CADM2: variants seen among roughly 807,000 people sequenced by gnomAD.
The protein encoded by CADM2 is immunoglobulin superfamily member 4D.
CADM2 carries 12 observed loss-of-function variants against 49.8 expected under a neutral mutation model. The observed-to-expected ratio is 0.24, with a 90% confidence interval of 0.15 to 0.39. The LOEUF is 0.39. Among genes scored for constraint, CADM2 ranks in the 10% least tolerant of loss-of-function variants. CADM2 has a pLI of 1.00. For missense variants in CADM2, 378 were observed against 492.3 expected, an observed-to-expected ratio of 0.77 and a Z score of 2.20; for synonymous variants, 214 against 175.4, an observed-to-expected ratio of 1.22 and a Z score of -1.74.
intron 1 of CADM2, among the ~76,000 whole-genome samples, chr3:85,677,949 A>C (rs745667809): frequency 3.9e-5 from 6 of 152,238 alleles, no homozygotes; most frequent in Non-Finnish European, 8.8e-5. Context: ...CAGAAAGCAT[A>C]AAATATAAAA....
chr3:85,905,846 G>T (rs188654824), intron 5 of CADM2, among the ~76,000 whole-genome samples: 1 of 152,176 alleles, frequency 6.6e-6, no homozygotes, highest in Admixed American at 6.5e-5. Flanking sequence ...GTAGTACATG[G>T]TACATAGAAA....
chr3:85,226,575 G>A (rs1239110448), intron 1 of CADM2, among the ~76,000 whole-genome samples: 1 of 151,676 alleles, frequency 6.6e-6, no homozygotes, highest in Non-Finnish European at 1.5e-5. Context: ...ACCAGCTCCT[G>A]CGTTCATTGA....
At chr3:85,159,370 A>G (rs1646954543) in intron 1 of CADM2, among the ~76,000 whole-genome samples, 1 of 148,506 alleles carries the variant, frequency 6.7e-6, no homozygotes, top group African/African-American at 2.6e-5. Flanking sequence ...TGGGCTAGGG[A>G]TTTTAAGGGA....
At chr3:85,748,503 G>C (rs953985118) in intron 2 of CADM2, among the ~76,000 whole-genome samples, 1 of 152,002 alleles carries the variant, frequency 6.6e-6, no homozygotes, top group Non-Finnish European at 1.5e-5. Context: ...TCAGCTGAAC[G>C]CTCACTTATC....
chr3:85,322,944 G>C (rs1379431037), intron 1 of CADM2, among the ~76,000 whole-genome samples: 2 of 152,112 alleles, frequency 1.3e-5, no homozygotes, highest in South Asian at 2.1e-4. Flanking sequence ...ACTGAATATT[G>C]GTTCCCAGAA....
At chr3:85,410,674 G>A (rs927519252) in intron 1 of CADM2, among the ~76,000 whole-genome samples, 1 of 152,142 alleles carries the variant, frequency 6.6e-6, no homozygotes, top group Admixed American at 6.6e-5. Flanking sequence ...AATACTTTAA[G>A]CTACAACAAG....
chr3:85,875,238 T>C (rs772862466), intron 3 of CADM2, among the ~76,000 whole-genome samples: 1 of 152,098 alleles, frequency 6.6e-6, no homozygotes, highest in African/African-American at 2.4e-5. Flanking sequence ...GTAATACAAA[T>C]CTTATTTTTT....
chr3:85,833,516 T>G (rs996385262), intron 3 of CADM2, among the ~76,000 whole-genome samples: 6 of 151,782 alleles, frequency 4.0e-5, no homozygotes, highest in African/African-American at 1.5e-4. Context: ...GAACCTGATA[T>G]TGGTTTGTTC....
intron 1 of CADM2, among the ~76,000 whole-genome samples, chr3:85,496,447 T>C: frequency 6.6e-6 from 1 of 152,216 alleles, no homozygotes; most frequent in Non-Finnish European, 1.5e-5. Context: ...TCACCACTGA[T>C]GCGACCTCAC....
chr3:85,366,963 A>T (rs946491869), intron 1 of CADM2, among the ~76,000 whole-genome samples: 4 of 152,066 alleles, frequency 2.6e-5, no homozygotes, highest in African/African-American at 9.7e-5. Flanking sequence ...ATTAGTTAAC[A>T]CAGCTATGTC....
chr3:85,928,990 G>T (rs1462164130), intron 6 of CADM2, among the ~76,000 whole-genome samples: 1 of 151,648 alleles, frequency 6.6e-6, no homozygotes, highest in Non-Finnish European at 1.5e-5. Context: ...TTAAAACTGC[G>T]TGAAAATTGC....
At chr3:86,002,802 G>C (rs1353655418) in intron 8 of CADM2, among the ~76,000 whole-genome samples, 2 of 152,034 alleles carry the variant, frequency 1.3e-5, no homozygotes, top group African/African-American at 4.8e-5. Flanking sequence ...CAGAGTTCAG[G>C]TGTCCATGAA....
intron 1 of CADM2, among the ~76,000 whole-genome samples, chr3:85,637,336 CTCA>C (rs1171098651): frequency 6.6e-6 from 1 of 151,854 alleles, no homozygotes; most frequent in East Asian, 1.9e-4. Flanking sequence ...GGCGCGGTGG[CTCA>C]CGCCTGTAAT....
intron 7 of CADM2, among the ~76,000 whole-genome samples, chr3:85,936,090 A>AT (rs1396623773): frequency 1.3e-5 from 2 of 150,866 alleles, no homozygotes; most frequent in African/African-American, 4.9e-5. Context: ...TTCTTTTTGT[A>AT]TTTTTTCCAG....
At chr3:85,648,078 T>G (rs186099811) in intron 1 of CADM2, among the ~76,000 whole-genome samples, 1 of 152,048 alleles carries the variant, frequency 6.6e-6, no homozygotes, top group Admixed American at 6.5e-5. Context: ...GGTCTAAACT[T>G]TAATACAGAT....
At chr3:84,993,177 C>G (rs915195237) in intron 1 of CADM2, among the ~76,000 whole-genome samples, 3 of 151,994 alleles carry the variant, frequency 2.0e-5, no homozygotes, top group African/African-American at 7.2e-5. Context: ...GCTTGTTTAT[C>G]GGGCCCAAGT....
intron 1 of CADM2, among the ~76,000 whole-genome samples, chr3:85,211,272 T>C (rs1209958102): frequency 6.6e-6 from 1 of 152,154 alleles, no homozygotes; most frequent in Non-Finnish European, 1.5e-5. Flanking sequence ...TTTGTATAAT[T>C]TCTTTCATTC....
At chr3:85,099,078 A>G (rs926545537) in intron 1 of CADM2, among the ~76,000 whole-genome samples, 1 of 152,180 alleles carries the variant, frequency 6.6e-6, no homozygotes, top group African/African-American at 2.4e-5. Flanking sequence ...TAGAACAGAG[A>G]ATGTATACAC....
intron 3 of CADM2, among the ~76,000 whole-genome samples, chr3:85,857,975 A>G (rs1331209682): frequency 6.6e-6 from 1 of 152,196 alleles, no homozygotes; most frequent in Non-Finnish European, 1.5e-5. Context: ...AGGGGAATAT[A>G]ATAATAAGCT....
Sources: allele counts gnomAD v4.1 joint callset (sites outside exome capture counted in the v4.1 genomes callset), GRCh38; gene constraint gnomAD v4.1.1; transcripts MANE v1.5; gene names NCBI Gene and HGNC (gene_info 2026-07-23, HGNC 2026-07-21).